The following NAV2 variants were observed in gnomAD, a reference collection of about 807,000 sequenced individuals.
The protein encoded by NAV2 is neuron navigator 2.
Under a neutral mutation model 223.2 loss-of-function variants are expected in NAV2, and 54 were observed. The observed-to-expected ratio is 0.24, with a 90% CI of 0.19 to 0.30. The LOEUF is 0.30. Ranked by LOEUF, NAV2 falls within the 10% of genes least tolerant of loss-of-function variation. NAV2 has a pLI of 1.00. For synonymous variants in NAV2, 1,279 were observed against 1,239.3 expected, an observed-to-expected ratio of 1.03 and a Z score of -0.67; for missense variants, 2,806 against 3,147.5, an observed-to-expected ratio of 0.89 and a Z score of 2.60.
intron 1 of NAV2, among the ~76,000 whole-genome samples, chr11:19,468,445 G>C (rs895143132): frequency 2.0e-5 from 3 of 152,082 alleles, no homozygotes; most frequent in South Asian, 4.2e-4. Context: ...TCTTTGGCTT[G>C]TGACAACATC....
intron 1 of NAV2, among the ~76,000 whole-genome samples, chr11:19,466,587 C>T (rs957708139): frequency 3.9e-5 from 6 of 152,202 alleles, no homozygotes; most frequent in East Asian, 1.9e-4. Context: ...GACCGCTCTT[C>T]GACTCTTGAA....
At chr11:20,036,531 C>A (rs1397799284) in intron 12 of NAV2, among the ~76,000 whole-genome samples, 2 of 152,152 alleles carry the variant, frequency 1.3e-5, no homozygotes, top group Admixed American at 6.5e-5. Flanking sequence ...GATTGAGAAC[C>A]CTGGACCGGA....
At chr11:19,502,451 A>G (rs987014179) in intron 1 of NAV2, among the ~76,000 whole-genome samples, 6 of 152,224 alleles carry the variant, frequency 3.9e-5, no homozygotes, top group Admixed American at 6.5e-5. Context: ...AAAGGCAGGT[A>G]CGCTTTGCTG....
At chr11:20,098,245 C>A (rs1248932588) in intron 31 of NAV2, among the ~76,000 whole-genome samples, 1 of 152,094 alleles carries the variant, frequency 6.6e-6, no homozygotes, top group African/African-American at 2.4e-5. Flanking sequence ...CCTTAGAACT[C>A]CAGGCCCACA....
At chr11:19,693,634 C>G (rs1264682063) in intron 1 of NAV2, among the ~76,000 whole-genome samples, 2 of 152,178 alleles carry the variant, frequency 1.3e-5, no homozygotes, top group Non-Finnish European at 2.9e-5. Flanking sequence ...TTGCTGTTTC[C>G]CACCCACACC....
chr11:19,784,789 A>C (rs1051917168), intron 1 of NAV2, among the ~76,000 whole-genome samples: 1 of 152,204 alleles, frequency 6.6e-6, no homozygotes, highest in African/African-American at 2.4e-5. Context: ...TTTGTTATGC[A>C]TACCTAATAG....
At chr11:19,674,265 AATT>A in intron 1 of NAV2, among the ~76,000 whole-genome samples, 1 of 152,178 alleles carries the variant, frequency 6.6e-6, no homozygotes, top group East Asian at 1.9e-4. Context: ...ACTGTGCCCC[AATT>A]ATTATTTTAT....
intron 1 of NAV2, among the ~76,000 whole-genome samples, chr11:19,354,031 G>A (rs1230836062): frequency 1.3e-5 from 2 of 152,166 alleles, no homozygotes; most frequent in Non-Finnish European, 2.9e-5. Flanking sequence ...CACTGTAGAA[G>A]TGCCAAAATT....
chr11:19,714,052 A>G, intron 1 of NAV2, 90 bp downstream of exon 1: 1 of 1,510,792 alleles, frequency 6.6e-7, no homozygotes. Flanking sequence ...TGGATGGGAG[A>G]AGGGTCTACC....
intron 1 of NAV2, among the ~76,000 whole-genome samples, chr11:19,441,448 GCACACA>G (rs150858991): frequency 6.2e-5 from 9 of 145,948 alleles, no homozygotes; most frequent in East Asian, 2.0e-4. Context: ...ACACACACAC[GCACACA>G]CACACACACA....
chr11:19,502,977 T>C (rs917989238), intron 1 of NAV2: 2 of 152,262 alleles, frequency 1.3e-5, no homozygotes, highest in Admixed American at 1.3e-4. Context: ...AGATGGGACC[T>C]GGACTTCGCC....
intron 1 of NAV2, among the ~76,000 whole-genome samples, chr11:19,819,824 C>A (rs1265409120): frequency 6.6e-6 from 1 of 152,192 alleles, no homozygotes; most frequent in African/African-American, 2.4e-5. Context: ...GGTGGATTGC[C>A]CAAAGCCACA....
chr11:19,816,236 T>A (rs1345928836), intron 1 of NAV2, among the ~76,000 whole-genome samples: 1 of 152,202 alleles, frequency 6.6e-6, no homozygotes, highest in Non-Finnish European at 1.5e-5. Context: ...GGCTCCCAAA[T>A]GGGGAAGGAG....
chr11:20,071,796 GTAAATTTGTTTAAGTTCTTTA>G (rs1485690258), intron 22 of NAV2, among the ~76,000 whole-genome samples: 1 of 152,038 alleles, frequency 6.6e-6, no homozygotes, highest in Admixed American at 6.5e-5. Context: ...TTTTTTTCTT[GTAAATTTGTTTAAGTTCTTTA>G]TAAATTTGTT....
chr11:19,412,838 C>T (rs915387405), intron 1 of NAV2, among the ~76,000 whole-genome samples: 3 of 152,178 alleles, frequency 2.0e-5, no homozygotes, highest in African/African-American at 7.2e-5. Flanking sequence ...AGGGGCCTGA[C>T]CGTTAGAAGG....
intron 6 of NAV2, among the ~76,000 whole-genome samples, chr11:19,896,315 A>C (rs1419263170): frequency 6.6e-6 from 1 of 152,142 alleles, no homozygotes; most frequent in African/African-American, 2.4e-5. Context: ...ATTAAACAAT[A>C]ACTCTCCTTC....
At chr11:19,902,835 G>T (rs539287642) in intron 6 of NAV2, among the ~76,000 whole-genome samples, 9 of 152,312 alleles carry the variant, frequency 5.9e-5, no homozygotes, top group African/African-American at 1.9e-4. Context: ...GTATTTGACA[G>T]TGTTCAACAG....
intron 5 of NAV2, among the ~76,000 whole-genome samples, chr11:19,886,166 TG>T (rs2040953058): frequency 6.7e-6 from 1 of 149,040 alleles, no homozygotes; most frequent in African/African-American, 2.5e-5. Flanking sequence ...TTTTTAAAGG[TG>T]GGGTCTCTCA....
chr11:19,656,791 C>A lies in NAV2; in HGVS notation c.76-175693C>A, dbSNP rs114216656. On this transcript the variant is annotated intron_variant, in intron 1 of 37. Transcript: ENST00000360655. ...GAGAAAATGGTTACTTGGACTGAGA[C>A]GGTAGCCACAGAGGAAACAAGGAAG... Among the ~76,000 whole-genome samples, 26 of 152,050 alleles carry A rather than the reference C, an allele frequency of 1.7e-4. 1 individual carries two copies. The highest frequency in any genetic ancestry group is 1.6e-3 in the Admixed American group (25 of 15,274).
Sources: gnomAD v4.1 joint callset for allele counts (sites outside exome capture counted in the v4.1 genomes callset) on GRCh38, gnomAD v4.1.1 for gene constraint, MANE v1.5 for transcripts, NCBI Gene and HGNC (gene_info 2026-07-23, HGNC 2026-07-21) for gene names.